The following CBLB variants were observed in gnomAD, a reference collection of about 807,000 sequenced individuals.
CBLB encodes E3 ubiquitin-protein ligase CBL-B.
A neutral mutation model predicts 104.9 loss-of-function variants in CBLB; 31 were observed. The ratio of observed to expected loss-of-function variants is 0.30; its 90% CI spans 0.22 to 0.40. The LOEUF (loss-of-function observed/expected upper bound fraction) is 0.40. CBLB is among the 10% of genes least tolerant of loss of function. The pLI, the probability that CBLB is intolerant of heterozygous loss-of-function variation, is 1.00. For missense variants in CBLB, 1,062 were observed against 1,214.6 expected (o/e 0.87, Z 1.87); for synonymous variants, 440 against 422.6 (o/e 1.04, Z -0.51).
intron 4 of CBLB, among the ~76,000 whole-genome samples, chr3:105,751,954 T>TA (rs1257218042): frequency 6.6e-6 from 1 of 152,208 alleles, no homozygotes; most frequent in African/African-American, 2.4e-5. Flanking sequence ...CAAGGTTATT[T>TA]AATAATGAAT....
chr3:105,814,754 A>G (rs1304089735), intron 3 of CBLB, among the ~76,000 whole-genome samples: 1 of 152,152 alleles, frequency 6.6e-6, no homozygotes, highest in Non-Finnish European at 1.5e-5. Context: ...TATACTCAAC[A>G]GTGCTGACAA....
At chr3:105,789,897 T>A (rs1376688435) in intron 3 of CBLB, among the ~76,000 whole-genome samples, 3 of 152,202 alleles carry the variant, frequency 2.0e-5, no homozygotes, top group African/African-American at 7.2e-5. Context: ...CTGATTTTTT[T>A]AGCGTAATTC....
chr3:105,821,260 A>ATATCTATATC (rs1553834225), intron 3 of CBLB, among the ~76,000 whole-genome samples: 3,171 of 149,486 alleles, frequency 0.021, 74 homozygotes, highest in East Asian at 0.11. Context: ...ATCTATATCT[A>ATATCTATATC]TATCTATCTA....
intron 3 of CBLB, among the ~76,000 whole-genome samples, chr3:105,815,317 G>A (rs772983091): frequency 2.0e-5 from 3 of 152,136 alleles, no homozygotes; most frequent in Non-Finnish European, 2.9e-5. Flanking sequence ...TGAAAGGAAA[G>A]ACAAAAGCAT....
chr3:105,685,339 T>C lies in CBLB; in HGVS notation c.2182A>G (p.Asn728Asp). 2 of 1,613,910 alleles carry C rather than the reference T, an allele frequency of 1.2e-6. No homozygotes were observed. The highest frequency in any genetic ancestry group is 1.7e-6 in the Non-Finnish European group (2 of 1,179,848). The change falls in exon 14 of 19, where the codon AAT becomes GAT. Residue 728 changes from asparagine to aspartate, a missense_variant. Physicochemically the swap from Asn to Asp is conservative, Grantham distance 23. Around this residue, in one of 2 missense-constraint regions of CBLB, gnomAD observed 605 missense variants for 582.6 expected, o/e 1.04. Coordinates refer to ENST00000394030, the MANE Select transcript of CBLB (RefSeq NM_170662.5). Reference protein sequence around the residue: ...SLNSQPSHCHNVKPPVRSCDN... With the variant: ...SLNSQPSHCHDVKPPVRSCDN... The stretch of plus-strand genomic sequence containing the variant: ...TCTTACCGAACAGGAGGTTTTACAT[T>C]ATGACAATGAGATGGTTGTGAATTC...
intron 9 of CBLB, among the ~76,000 whole-genome samples, chr3:105,727,757 G>A (rs561641101): frequency 4.3e-4 from 65 of 152,128 alleles, no homozygotes; most frequent in Admixed American, 1.2e-3. Flanking sequence ...AGTTTTCTGC[G>A]TATGGCTAGC....
At chr3:105,749,967 T>C (rs949120996) in intron 5 of CBLB, among the ~76,000 whole-genome samples, 6 of 151,964 alleles carry the variant, frequency 3.9e-5, no homozygotes, top group African/African-American at 9.7e-5. Context: ...TTACCCTATA[T>C]AGAAGGTAGA....
rs2076065229 is a variant in CBLB at position 105,745,964 on chromosome 3, A to G, written c.798T>C (p.Tyr266=). 1.9e-6 allele frequency: 3 copies of G among 1,612,246 alleles called. No homozygotes were observed. Among genetic ancestry groups the G allele is most frequent in the East Asian group, 2.2e-5 (1 of 44,846 alleles). The change falls in exon 6 of 19, where the codon TAT becomes TAC. Residue 266 remains tyrosine (Y), a synonymous_variant. Coordinates refer to ENST00000394030, the MANE Select transcript of CBLB (RefSeq NM_170662.5). ...THPGYMAFLT[Y]DEVKARLQKY... ...TCTGTAGTCGTGCTTTAACTTCATC[A>G]TATGTGAGAAATGCCATGTAACCTG...
At chr3:105,708,807 A>G (rs141224584) in intron 10 of CBLB, among the ~76,000 whole-genome samples, 1 of 152,160 alleles carries the variant, frequency 6.6e-6, no homozygotes, top group East Asian at 1.9e-4. Flanking sequence ...GATGTAAAAC[A>G]TTTATAAACA....
At chr3:105,728,701 A>C (rs1176423216) in intron 9 of CBLB, among the ~76,000 whole-genome samples, 1 of 152,170 alleles carries the variant, frequency 6.6e-6, no homozygotes, top group Non-Finnish European at 1.5e-5. Flanking sequence ...ACTTCAAAGA[A>C]TGTCTCTAGA....
chr3:105,825,293 C>T (rs1441718319), intron 3 of CBLB, among the ~76,000 whole-genome samples: 1 of 152,172 alleles, frequency 6.6e-6, no homozygotes, highest in Non-Finnish European at 1.5e-5. Flanking sequence ...TAACTATCTC[C>T]TTAAACCTAT....
chr3:105,685,109 GATAAA>G (rs1384421141), intron 14 of CBLB, among the ~76,000 whole-genome samples: 7 of 152,146 alleles, frequency 4.6e-5, no homozygotes, highest in African/African-American at 7.2e-5. Flanking sequence ...GTTTAGAACT[GATAAA>G]ATAAAGTGAC....
chr3:105,680,145 G>A (rs1192122727), intron 16 of CBLB, among the ~76,000 whole-genome samples: 1 of 152,202 alleles, frequency 6.6e-6, no homozygotes, highest in Non-Finnish European at 1.5e-5. Flanking sequence ...GAGAAATGTA[G>A]ACAAGTGGTA....
chr3:105,767,364 A>G (rs369481391), intron 4 of CBLB, among the ~76,000 whole-genome samples: 1 of 152,016 alleles, frequency 6.6e-6, no homozygotes, highest in Admixed American at 6.6e-5. Context: ...CCTTTCTTTC[A>G]TATTAAAAGT....
chr3:105,740,066 G>A (rs1370709468), intron 7 of CBLB, among the ~76,000 whole-genome samples: 2 of 151,926 alleles, frequency 1.3e-5, no homozygotes, highest in Non-Finnish European at 2.9e-5. Context: ...TTGTGCCACT[G>A]CACTCCAGCC....
At chr3:105,825,345 C>T (rs2086429000) in intron 3 of CBLB, among the ~76,000 whole-genome samples, 1 of 152,054 alleles carries the variant, frequency 6.6e-6, no homozygotes, top group African/African-American at 2.4e-5. Flanking sequence ...CTCCGACTCT[C>T]AGATAGTGAG....
intron 10 of CBLB, among the ~76,000 whole-genome samples, chr3:105,713,795 T>C (rs2071447635): frequency 1.3e-5 from 2 of 152,256 alleles, no homozygotes; most frequent in Middle Eastern, 3.4e-3. Context: ...TCTACCTAAA[T>C]GTTGTGGGAA....
chr3:105,687,817 A>G (rs1342260648), intron 13 of CBLB, among the ~76,000 whole-genome samples: 1 of 120,084 alleles, frequency 8.3e-6, no homozygotes, highest in Non-Finnish European at 1.7e-5. Context: ...TCCAGTTCTG[A>G]AAAAAAAAAC....
Position 105,656,264 on chromosome 3 carries a change from G to T in CBLB, c.*2706C>A, listed in dbSNP as rs761840999. 74 of 210,322 alleles carry T rather than the reference G, an allele frequency of 3.5e-4. No homozygotes were observed. The highest frequency in any genetic ancestry group is 1.6e-3 in the African/African-American group (70 of 43,646). The allele number at this position is 210,322 out of a possible 1,614,324, so 13.0% of individuals were successfully genotyped here. On this transcript the variant is annotated 3_prime_UTR_variant, in exon 19 of 19. Coordinates refer to ENST00000394030, the MANE Select transcript of CBLB (RefSeq NM_170662.5). ...GTAAGTTAATTTGTCTTAATTTTAT[G>T]TATTATATGAAATGCTGACTTAAAA...
Sources: gnomAD v4.1 joint callset for allele counts (sites outside exome capture counted in the v4.1 genomes callset) on GRCh38, gnomAD v4.1.1 for gene constraint, gnomAD v4.1.1 regional missense constraint, MANE v1.5 for transcripts, NCBI Gene and HGNC (gene_info 2026-07-23, HGNC 2026-07-21) for gene names.